TBC1D22A: variants seen among roughly 807,000 people sequenced by gnomAD.
TBC1D22A encodes the protein TBC1 domain family member 22A.
TBC1D22A carries 38 observed loss-of-function variants against 60.2 expected under a neutral mutation model. The observed-to-expected ratio is 0.63, with a 90% CI of 0.49 to 0.83. The LOEUF (loss-of-function observed/expected upper bound fraction) is 0.83, where lower values mean the gene tolerates loss of function less well. TBC1D22A is among the 40% of genes least tolerant of loss of function. TBC1D22A has a pLI of 0.00. For synonymous variants in TBC1D22A, 302 were observed against 281.7 expected, an observed-to-expected ratio of 1.07 and a Z score of -0.72; for missense variants, 628 against 701.0, an observed-to-expected ratio of 0.90 and a Z score of 1.18.
chr22:47,017,919 GC>G (rs2061959018), intron 10 of TBC1D22A, among the ~76,000 whole-genome samples: 2 of 152,354 alleles, frequency 1.3e-5, no homozygotes, highest in South Asian at 4.1e-4. Flanking sequence ...TCTCTTGGTA[GC>G]CGCGAACGTC....
intron 11 of TBC1D22A, among the ~76,000 whole-genome samples, chr22:47,060,855 A>G (rs2063548570): frequency 2.6e-5 from 4 of 152,142 alleles, no homozygotes; most frequent in Admixed American, 2.0e-4. Flanking sequence ...CTTCCCTTCC[A>G]TTAGCGCCAT....
At chr22:47,137,460 C>A (rs28628514) in intron 12 of TBC1D22A, among the ~76,000 whole-genome samples, 1 of 152,178 alleles carries the variant, frequency 6.6e-6, no homozygotes, top group Non-Finnish European at 1.5e-5. Context: ...GAGCCGAGGA[C>A]ATCCTGCACC....
chr22:47,129,805 C>T (rs2066619483), intron 12 of TBC1D22A, among the ~76,000 whole-genome samples: 1 of 152,254 alleles, frequency 6.6e-6, no homozygotes, highest in Non-Finnish European at 1.5e-5. Flanking sequence ...AGCCCTCCAT[C>T]CCAGCCTCCT....
intron 11 of TBC1D22A, among the ~76,000 whole-genome samples, chr22:47,102,097 G>A (rs923159849): frequency 5.3e-5 from 8 of 152,332 alleles, no homozygotes; most frequent in Middle Eastern, 3.4e-3. Flanking sequence ...ACCCCCACTT[G>A]CCGTTGCTGC....
At chr22:46,866,068 T>C (rs1317471188) in intron 4 of TBC1D22A, among the ~76,000 whole-genome samples, 2 of 152,294 alleles carry the variant, frequency 1.3e-5, no homozygotes, top group Middle Eastern at 3.4e-3. Context: ...TAAAAACCAG[T>C]GCATAAAGCC....
intron 8 of TBC1D22A, chr22:46,914,474 C>T (rs952176314): frequency 6.6e-6 from 1 of 151,148 alleles, no homozygotes; most frequent in African/African-American, 2.4e-5. Context: ...CTGGATTTCA[C>T]ATGTGATTAT....
At chr22:46,865,627 T>C (rs1480405346) in intron 4 of TBC1D22A, among the ~76,000 whole-genome samples, 2 of 152,174 alleles carry the variant, frequency 1.3e-5, no homozygotes, top group Non-Finnish European at 2.9e-5. Context: ...CCTTCAGCTG[T>C]GATTTGTCTT....
rs765002489 is a variant in TBC1D22A at position 46,793,732 on chromosome 22, G to C, written c.351G>C (p.Gly117=). ...AGGGGCGGCCCACGCTGCAGGAGGGGCCAGGGCTTCAGCAGAAGCCCAGGC... is the reference window on the plus strand; with the variant it reads ...AGGGGCGGCCCACGCTGCAGGAGGGCCCAGGGCTTCAGCAGAAGCCCAGGC... ...QRQGRPTLQE[G]PGLQQKPRPE... is the part of the protein sequence containing the mutation. Residue 117 remains glycine, a synonymous_variant, in exon 3 of 13, where the codon GGG becomes GGC. Transcript: ENST00000337137. The C allele has an allele frequency of 6.2e-7, 1 of 1,608,152 alleles. No individual in the cohort carries two copies. Among genetic ancestry groups the C allele is most frequent in the African/African-American group, 1.3e-5 (1 of 74,664 alleles).
At chr22:47,137,471 TCCCTGCAC>T (rs1261680642) in intron 12 of TBC1D22A, among the ~76,000 whole-genome samples, 1 of 152,106 alleles carries the variant, frequency 6.6e-6, no homozygotes, top group African/African-American at 2.4e-5. Context: ...ATCCTGCACC[TCCCTGCAC>T]CCCTGCTTTC....
chr22:46,930,023 T>C (rs1008036229), intron 8 of TBC1D22A, among the ~76,000 whole-genome samples: 1 of 152,152 alleles, frequency 6.6e-6, no homozygotes, highest in East Asian at 1.9e-4. Context: ...TGATGTACTT[T>C]ATGCAGAGGA....
intron 8 of TBC1D22A, chr22:46,914,584 A>G (rs41279823): frequency 0.097 from 14,773 of 152,058 alleles, 1,462 homozygotes; most frequent in African/African-American, 0.25. Context: ...GAAGCGTTTA[A>G]CTTGCGTGGT....
intron 12 of TBC1D22A, among the ~76,000 whole-genome samples, chr22:47,114,421 G>T (rs1019806190): frequency 6.6e-6 from 1 of 151,988 alleles, no homozygotes; most frequent in Non-Finnish European, 1.5e-5. Context: ...ATGCCATAGG[G>T]GTTGGATGGA....
intron 12 of TBC1D22A, among the ~76,000 whole-genome samples, chr22:47,171,994 C>T (rs1027700155): frequency 1.3e-5 from 2 of 151,250 alleles, no homozygotes; most frequent in Non-Finnish European, 2.9e-5. Context: ...GCCCAGTGCG[C>T]CCGGTGAGCC....
chr22:46,816,806 G>T (rs1050674358), intron 4 of TBC1D22A, among the ~76,000 whole-genome samples: 2 of 152,210 alleles, frequency 1.3e-5, no homozygotes, highest in East Asian at 3.9e-4. Flanking sequence ...AACATTTCAC[G>T]GTCGTGGTGG....
At chr22:46,884,904 C>G (rs2068035347) in intron 5 of TBC1D22A, among the ~76,000 whole-genome samples, 1 of 152,194 alleles carries the variant, frequency 6.6e-6, no homozygotes. Context: ...GAGTCTCGGC[C>G]TCTTGGTCAG....
intron 12 of TBC1D22A, among the ~76,000 whole-genome samples, chr22:47,132,889 A>T (rs1315412218): frequency 6.6e-6 from 1 of 152,232 alleles, no homozygotes; most frequent in Non-Finnish European, 1.5e-5. Flanking sequence ...ATTGGATTTC[A>T]GTTCGAACCA....
intron 10 of TBC1D22A, among the ~76,000 whole-genome samples, chr22:47,034,926 T>A (rs2062607196): frequency 6.6e-6 from 1 of 152,200 alleles, no homozygotes; most frequent in African/African-American, 2.4e-5. Flanking sequence ...CAGCCGACTC[T>A]GGCACTGATG....
intron 12 of TBC1D22A, among the ~76,000 whole-genome samples, chr22:47,137,651 C>T (rs531534808): frequency 3.7e-4 from 57 of 152,364 alleles, no homozygotes; most frequent in African/African-American, 1.2e-3. Context: ...CCAGCTTCAC[C>T]GGCCACACTG....
At position 46,992,272 on chromosome 22, in the gene TBC1D22A, G is replaced by C. The variant is rs183896908; in HGVS notation, c.1126-5362G>C. On this transcript the variant is annotated intron_variant, in intron 9 of 12. Transcript: ENST00000337137. Reference sequence around the variant, plus strand: ...CTCCTGGCGGAGTCACACAGGACACGCTGGATCCCTCCAGTGCGGGGCTGG... The same window carrying C: ...CTCCTGGCGGAGTCACACAGGACACCCTGGATCCCTCCAGTGCGGGGCTGG... Among the ~76,000 whole-genome samples, 193 of 152,384 alleles carry C rather than the reference G, an allele frequency of 1.3e-3. 2 individuals are homozygous for C. Among genetic ancestry groups the C allele is most frequent in the Non-Finnish European group, 1.6e-4 (11 of 68,040 alleles).
Sources: allele counts gnomAD v4.1 joint callset (sites outside exome capture counted in the v4.1 genomes callset), GRCh38; gene constraint gnomAD v4.1.1; transcripts MANE v1.5; gene names NCBI Gene and HGNC (gene_info 2026-07-23, HGNC 2026-07-21).